The following VPS8 variants were observed in gnomAD, a reference collection of about 807,000 sequenced individuals.
VPS8 encodes the protein VPS8 subunit of CORVET complex.
Under a neutral mutation model 216.4 loss-of-function variants are expected in VPS8, and 129 were observed. The observed-to-expected ratio is 0.60, with a 90% CI of 0.52 to 0.69. The LOEUF (loss-of-function observed/expected upper bound fraction) is 0.69, where lower values mean the gene tolerates loss of function less well. Ranked by LOEUF, VPS8 falls within the 30% of genes least tolerant of loss-of-function variation. The probability of loss-of-function intolerance (pLI) is 0.00; values close to 1 mark genes in which losing one functional copy is unlikely to be tolerated. For synonymous variants in VPS8, 571 were observed against 565.4 expected, an observed-to-expected ratio of 1.01 and a Z score of -0.14; for missense variants, 1,531 against 1,683.5, an observed-to-expected ratio of 0.91 and a Z score of 1.59.
chr3:184,880,846 T>C (rs971434490), intron 21 of VPS8, among the ~76,000 whole-genome samples: 1 of 152,202 alleles, frequency 6.6e-6, no homozygotes, highest in Admixed American at 6.5e-5. Context: ...TGTTTTATTT[T>C]AGCTATTCTG....
chr3:184,967,102 G>A (rs1015688038), intron 39 of VPS8, among the ~76,000 whole-genome samples: 38 of 152,054 alleles, frequency 2.5e-4, no homozygotes, highest in East Asian at 1.4e-3. Flanking sequence ...AAGTAGCTGG[G>A]ACTACAGGCG....
intron 45 of VPS8, among the ~76,000 whole-genome samples, chr3:185,008,530 A>G (rs1754563653): frequency 6.6e-6 from 1 of 152,224 alleles, no homozygotes; most frequent in African/African-American, 2.4e-5. Flanking sequence ...ATAAAGGGAA[A>G]GAATAGAATA....
At chr3:184,938,630 T>G (rs182524867) in intron 35 of VPS8, among the ~76,000 whole-genome samples, 1 of 147,942 alleles carries the variant, frequency 6.8e-6, no homozygotes, top group East Asian at 1.9e-4. Flanking sequence ...TGTAGGATTT[T>G]CTTTTCTTTT....
intron 22 of VPS8, 71 bp from the exon 23 acceptor site, chr3:184,894,632 A>G (rs1733045259): frequency 3.4e-6 from 4 of 1,184,468 alleles, no homozygotes; most frequent in Non-Finnish European, 3.6e-6. Context: ...GATGAGATAT[A>G]TTTGGGAGAC....
chr3:184,823,838 C>A (rs765460320), intron 1 of VPS8, among the ~76,000 whole-genome samples: 5 of 152,172 alleles, frequency 3.3e-5, no homozygotes, highest in Non-Finnish European at 7.3e-5. Flanking sequence ...TAAGTGTGAT[C>A]TATCATTTAG....
chr3:185,008,126 G>T (rs1754509529), intron 45 of VPS8, among the ~76,000 whole-genome samples: 1 of 151,980 alleles, frequency 6.6e-6, no homozygotes, highest in Admixed American at 6.6e-5. Flanking sequence ...TTTCAAAAGA[G>T]TATATTCAAC....
chr3:184,862,856 G>A, intron 15 of VPS8, 41 bp from the exon 16 acceptor site: 1 of 1,589,024 alleles, frequency 6.3e-7, no homozygotes, highest in Non-Finnish European at 8.6e-7. Flanking sequence ...GATGAAGCGG[G>A]TGTGGTCTCA....
intron 45 of VPS8, among the ~76,000 whole-genome samples, chr3:185,000,745 A>G (rs1380965616): frequency 6.6e-6 from 1 of 151,794 alleles, no homozygotes; most frequent in Non-Finnish European, 1.5e-5. Flanking sequence ...AGCTGGGACT[A>G]TAGGTGCATG....
intron 36 of VPS8, 43 bp downstream of exon 36, chr3:184,940,286 A>T (rs764862315): frequency 1.2e-6 from 1 of 803,590 alleles, no homozygotes; most frequent in South Asian, 4.0e-5. Context: ...ATATATATAT[A>T]TATGAGAAAT....
rs563103264 is a variant in VPS8 at position 184,927,473 on chromosome 3, A to G, written c.2631+823A>G. On this transcript the variant is annotated intron_variant, in intron 31 of 47. Coordinates refer to ENST00000625842, the MANE Select transcript of VPS8 (RefSeq NM_001009921.3). ...GCTGGTAAAATTTTGGTTATCTCTTAAATTATATTGAATACAAATAGTATA... is the reference window on the plus strand; with the variant it reads ...GCTGGTAAAATTTTGGTTATCTCTTGAATTATATTGAATACAAATAGTATA... 5.3e-4 allele frequency among the ~76,000 whole-genome samples: 81 copies of G among 152,260 alleles called. 1 individual carries two copies. Among genetic ancestry groups the G allele is most frequent in the African/African-American group, 1.9e-3 (78 of 41,560 alleles).
chr3:184,970,204 G>A (rs1369808858), intron 39 of VPS8, among the ~76,000 whole-genome samples: 2 of 152,004 alleles, frequency 1.3e-5, no homozygotes, highest in African/African-American at 2.4e-5. Context: ...GAGCCACCAC[G>A]ACCGGCCCCA....
chr3:184,951,397 A>C (rs1744676187), intron 36 of VPS8, among the ~76,000 whole-genome samples: 1 of 151,808 alleles, frequency 6.6e-6, no homozygotes, highest in South Asian at 2.1e-4. Flanking sequence ...AAGTGGGAGG[A>C]TCACTGGAGC....
intron 21 of VPS8, among the ~76,000 whole-genome samples, chr3:184,881,950 CATTT>C (rs1244580568): frequency 2.0e-5 from 3 of 151,814 alleles, no homozygotes; most frequent in Admixed American, 1.3e-4. Flanking sequence ...TTGTAGAACT[CATTT>C]ATTAATTCTA....
At chr3:184,987,155 C>T (rs1025524750) in intron 42 of VPS8, among the ~76,000 whole-genome samples, 1 of 152,074 alleles carries the variant, frequency 6.6e-6, no homozygotes, top group African/African-American at 2.4e-5. Flanking sequence ...ACTCTGTCAC[C>T]CAGGCTGGAG....
At chr3:185,042,691 A>G (rs1229700462) in intron 46 of VPS8, among the ~76,000 whole-genome samples, 1 of 152,106 alleles carries the variant, frequency 6.6e-6, no homozygotes, top group East Asian at 1.9e-4. Flanking sequence ...CCCCTTTCCA[A>G]CCCTGTCAAG....
At chr3:184,887,535 A>G (rs1375509653) in intron 22 of VPS8, among the ~76,000 whole-genome samples, 1 of 152,086 alleles carries the variant, frequency 6.6e-6, no homozygotes, top group Non-Finnish European at 1.5e-5. Context: ...TCCACATTTT[A>G]TATAAGATGT....
chr3:184,883,329 A>T (rs745695948), intron 21 of VPS8, among the ~76,000 whole-genome samples: 16 of 152,162 alleles, frequency 1.1e-4, no homozygotes, highest in South Asian at 8.3e-4. Flanking sequence ...TCTAACCCAG[A>T]TGTTTCAGAT....
At chr3:184,955,748 A>G (rs1745480948) in intron 36 of VPS8, among the ~76,000 whole-genome samples, 1 of 151,366 alleles carries the variant, frequency 6.6e-6, no homozygotes. Flanking sequence ...ATTTCAGTTC[A>G]GTTCAATATA....
At chr3:184,819,594 T>C (rs535440449) in intron 1 of VPS8, among the ~76,000 whole-genome samples, 2 of 152,234 alleles carry the variant, frequency 1.3e-5, no homozygotes, top group Non-Finnish European at 2.9e-5. Flanking sequence ...ATGAAGGGCC[T>C]GCTTAATAAA....
Sources: allele counts gnomAD v4.1 joint callset (sites outside exome capture counted in the v4.1 genomes callset), GRCh38; gene constraint gnomAD v4.1.1; transcripts MANE v1.5; gene names NCBI Gene and HGNC (gene_info 2026-07-23, HGNC 2026-07-21).